SLC30A4: variants seen among roughly 807,000 people sequenced by gnomAD.
SLC30A4 encodes the protein solute carrier family 30 member 4, also known as probable proton-coupled zinc antiporter SLC30A4.
A neutral mutation model predicts 41.7 loss-of-function variants in SLC30A4; 20 were observed. The ratio of observed to expected loss-of-function variants is 0.48; its 90% CI spans 0.34 to 0.70. The LOEUF (loss-of-function observed/expected upper bound fraction) is 0.70, where lower values mean the gene tolerates loss of function less well. Among genes scored for constraint, SLC30A4 ranks in the 30% least tolerant of loss-of-function variants. SLC30A4 has a pLI of 0.01. For synonymous variants in SLC30A4, 181 were observed against 195.9 expected, an observed-to-expected ratio of 0.92 and a Z score of 0.64; for missense variants, 441 against 529.3, an observed-to-expected ratio of 0.83 and a Z score of 1.64.
At position 45,490,845 on chromosome 15, in the gene SLC30A4, T is replaced by TA; in HGVS notation, c.574dup (p.Tyr192LeufsTer10). The TA allele has an allele frequency of 6.2e-7, 1 of 1,604,830 alleles. No homozygotes were observed. Among genetic ancestry groups the TA allele is most frequent in the Non-Finnish European group, 8.5e-7 (1 of 1,175,456 alleles). On this transcript the variant is annotated frameshift_variant, in exon 4 of 8. Transcript: ENST00000261867. LOFTEE classifies it high-confidence loss of function. The stretch of plus-strand genomic sequence containing the variant: ...ATATAAGAGGAATCCCATAAGTATA[T>TA]ACACCAACAGCACACTAATCATAGC...
At chr15:45,511,852 C>T (rs1220052125) in intron 2 of SLC30A4, among the ~76,000 whole-genome samples, 2 of 152,152 alleles carry the variant, frequency 1.3e-5, no homozygotes, top group Non-Finnish European at 2.9e-5. Flanking sequence ...AACCACAAGG[C>T]AAATATATAG....
intron 3 of SLC30A4, 41 bp from the exon 4 acceptor site, chr15:45,490,922 G>T: frequency 7.2e-7 from 1 of 1,390,110 alleles, no homozygotes; most frequent in Non-Finnish European, 9.7e-7. Context: ...TTTTCAGCAT[G>T]GTTACTACAC....
intron 6 of SLC30A4, 110 bp from the exon 7 acceptor site, chr15:45,486,855 T>C: frequency 1.7e-6 from 1 of 595,658 alleles, no homozygotes; most frequent in Non-Finnish European, 2.8e-6. Flanking sequence ...AAATTCACTT[T>C]AAACAAATAC....
chr15:45,517,676 CGGT>C (rs549899945), intron 2 of SLC30A4, among the ~76,000 whole-genome samples: 103 of 151,978 alleles, frequency 6.8e-4, no homozygotes, highest in African/African-American at 2.5e-3. Flanking sequence ...TGGCCAGGCG[CGGT>C]GGCTCACGCC....
At position 45,488,964 on chromosome 15, in the gene SLC30A4, A is replaced by C. The variant is rs763359728; in HGVS notation, c.771T>G (p.Gly257=). ...HSLPSNSPTR[G]SGCERNHGQD... ...GCCCATGGTTACGTTCACACCCAGAACCTCTGGTAGGGGAATTTGAAGGCA... is the reference window on the plus strand; with the variant it reads ...GCCCATGGTTACGTTCACACCCAGACCCTCTGGTAGGGGAATTTGAAGGCA... Residue 257 remains glycine, a synonymous_variant, in exon 5 of 8, where the codon GGT becomes GGG. Transcript: ENST00000261867. The C allele has an allele frequency of 3.1e-6, 5 of 1,613,938 alleles. No individual in the cohort carries two copies. The East Asian group carries it at 1.1e-4, about 36-fold the overall frequency.
chr15:45,500,614 GTCTATCTA>G (rs10593774), intron 3 of SLC30A4, among the ~76,000 whole-genome samples: 24,593 of 149,568 alleles, frequency 0.16, 2,128 homozygotes, highest in Admixed American at 0.22. Context: ...TTAAGGGTCT[GTCTATCTA>G]TCTATCTATC....
chr15:45,496,925 G>A (rs2140825215), intron 3 of SLC30A4, among the ~76,000 whole-genome samples: 1 of 151,714 alleles, frequency 6.6e-6, no homozygotes, highest in Middle Eastern at 3.4e-3. Flanking sequence ...TACTCGGGAG[G>A]CTGAGGTGGA....
chr15:45,517,984 A>T (rs74836024), intron 2 of SLC30A4, among the ~76,000 whole-genome samples: 3 of 152,168 alleles, frequency 2.0e-5, no homozygotes, highest in Non-Finnish European at 4.4e-5. Flanking sequence ...AAAAACCCTT[A>T]TCTGGCTTTC....
At chr15:45,502,209 C>G (rs955668312) in intron 3 of SLC30A4, 19 of 150,296 alleles carry the variant, frequency 1.3e-4, no homozygotes, top group African/African-American at 4.4e-4. Context: ...TCAAGCGATT[C>G]TCCTGCCTCA....
At chr15:45,502,930 G>A (rs976782144) in intron 3 of SLC30A4, 9 of 151,772 alleles carry the variant, frequency 5.9e-5, no homozygotes, top group Non-Finnish European at 1.0e-4. Context: ...GGAGTTCGAC[G>A]GTGCAGTGAG....
chr15:45,487,629 C>G lies in SLC30A4; in HGVS notation c.898G>C (p.Glu300Gln). The G allele has an allele frequency of 6.8e-7, 1 of 1,466,938 alleles. No homozygotes were observed. The highest frequency in any genetic ancestry group is 9.5e-7 in the Non-Finnish European group (1 of 1,049,158). The allele number at this position is 1,466,938 out of a possible 1,614,324, so 90.9% of individuals were successfully genotyped here. A position where few individuals can be genotyped will look rare whatever the true frequency, so the allele number is the denominator to read the frequency against. ...CAGATGGGGTCAGCAATCTTGTATTCTGGCTAAAGGGTAATAGATCAAAAT... is the reference window on the plus strand; with the variant it reads ...CAGATGGGGTCAGCAATCTTGTATTGTGGCTAAAGGGTAATAGATCAAAAT... ...IAAYIIRFKP[E>Q]YKIADPICTY... The change falls in exon 6 of 8, where the codon GAA becomes CAA. Residue 300 changes from glutamate (E) to glutamine (Q), a missense_variant. Glu to Gln is a conservative substitution (Grantham distance 29). Around this residue, in one of 3 missense-constraint regions of SLC30A4, gnomAD observed 29 missense variants for 66.4 expected, o/e 0.44. Coordinates refer to ENST00000261867, the MANE Select transcript of SLC30A4 (RefSeq NM_013309.6).
intron 2 of SLC30A4, among the ~76,000 whole-genome samples, chr15:45,513,220 T>A (rs536640600): frequency 0.016 from 2,406 of 149,766 alleles, 19 homozygotes; most frequent in South Asian, 0.026. Context: ...TTTTTTTTTT[T>A]AGAGAGTCAG....
chr15:45,512,992 T>G, intron 2 of SLC30A4, among the ~76,000 whole-genome samples: 1 of 149,222 alleles, frequency 6.7e-6, no homozygotes, highest in Admixed American at 6.6e-5. Flanking sequence ...AGTGAGACAT[T>G]GACTAAAAAA....
rs1214900610 is a variant in SLC30A4, at chr15:45,482,793, T to A, written c.*2370A>T. 6.6e-6 allele frequency: 1 copy of A among 152,198 alleles called. No homozygotes were observed. The allele number at this position is 152,198 out of a possible 1,614,324, so 9.4% of individuals were successfully genotyped here. ...TAGGAATCCCATCATGTATATTTTC[T>A]TTTCCTTTTTGTTTTTGAGATAGGG... On this transcript the variant is annotated 3_prime_UTR_variant, in exon 8 of 8. Transcript: ENST00000261867.
rs965909305 is a variant in SLC30A4 at position 45,496,874 on chromosome 15, T to A, written c.539-5993A>T. 1.3e-4 allele frequency among the ~76,000 whole-genome samples: 19 copies of A among 142,202 alleles called. No individual in the cohort carries two copies. In the East Asian group the frequency reaches 1.7e-3, roughly 13 times the overall value. 93.3% of individuals were successfully genotyped at this position (142,202 alleles called of 152,430 possible). A position where few individuals can be genotyped will look rare whatever the true frequency, so the allele number is the denominator to read the frequency against. On this transcript the variant is annotated intron_variant, in intron 3 of 7. Coordinates refer to ENST00000261867, the MANE Select transcript of SLC30A4 (RefSeq NM_013309.6). ...ATAAATAAATAAATAAATAAATAAATAAAATAAATAGGTGTGGTAGCACAT... is the reference window on the plus strand; with the variant it reads ...ATAAATAAATAAATAAATAAATAAAAAAAATAAATAGGTGTGGTAGCACAT...
At chr15:45,522,491 T>C (rs922110557) in intron 1 of SLC30A4, 23 bp from the exon 2 acceptor site, 3 of 901,806 alleles carry the variant, frequency 3.3e-6, no homozygotes, top group African/African-American at 3.4e-5. Flanking sequence ...AAACACGTTA[T>C]AAATTAAAGG....
chr15:45,510,679 C>T (rs1892268477), intron 3 of SLC30A4, among the ~76,000 whole-genome samples: 1 of 152,128 alleles, frequency 6.6e-6, no homozygotes, highest in Admixed American at 6.5e-5. Context: ...AAAATGTGTG[C>T]ATTTGCAGAA....
intron 3 of SLC30A4, among the ~76,000 whole-genome samples, chr15:45,506,043 C>T (rs1003678983): frequency 6.6e-6 from 1 of 151,876 alleles, no homozygotes; most frequent in Non-Finnish European, 1.5e-5. Context: ...CTCGTCTCTA[C>T]AAAAAATACA....
intron 2 of SLC30A4, among the ~76,000 whole-genome samples, chr15:45,514,510 ATTTTTTT>A (rs751585996): frequency 2.4e-5 from 3 of 125,022 alleles, no homozygotes; most frequent in Non-Finnish European, 5.0e-5. Context: ...TGATATTCCA[ATTTTTTT>A]TTTTTTTTTT....
Sources: allele counts gnomAD v4.1 joint callset (sites outside exome capture counted in the v4.1 genomes callset), GRCh38; gene constraint gnomAD v4.1.1; regional missense constraint gnomAD v4.1.1; transcripts MANE v1.5; gene names NCBI Gene and HGNC (gene_info 2026-07-23, HGNC 2026-07-21).